The following RLF variants were observed in gnomAD, a reference collection of about 807,000 sequenced individuals.
RLF encodes the protein zinc finger protein Rlf.
Under a neutral mutation model 162.9 loss-of-function variants are expected in RLF, and 7 were observed. That is an observed-to-expected ratio of 0.04 (90% CI 0.02 to 0.08). RLF has a LOEUF of 0.08. RLF is among the 10% of genes least tolerant of loss of function. The probability of loss-of-function intolerance (pLI) is 1.00; values close to 1 mark genes in which losing one functional copy is unlikely to be tolerated. For synonymous variants in RLF, 782 were observed against 791.5 expected (o/e 0.99, Z 0.20); for missense variants, 1,664 against 2,244.7 (o/e 0.74, Z 5.23).
chr1:40,228,981 T>C (rs1168417655), intron 6 of RLF, among the ~76,000 whole-genome samples: 3 of 152,036 alleles, frequency 2.0e-5, no homozygotes, highest in African/African-American at 7.2e-5. Context: ...CTTTTTTTGT[T>C]TGGTTGGTTT....
intron 4 of RLF, among the ~76,000 whole-genome samples, chr1:40,196,268 G>C (rs916565288): frequency 6.6e-6 from 1 of 151,764 alleles, no homozygotes; most frequent in Non-Finnish European, 1.5e-5. Context: ...GAGACGAGGC[G>C]TTACCATGTT....
chr1:40,216,694 C>A (rs140017578), intron 5 of RLF, among the ~76,000 whole-genome samples: 1,965 of 152,180 alleles, frequency 0.013, 42 homozygotes, highest in African/African-American at 0.045. Context: ...GGAACACTTC[C>A]CAACTTATGC....
chr1:40,228,100 CA>C (rs1284522288), intron 6 of RLF, among the ~76,000 whole-genome samples: 1 of 151,864 alleles, frequency 6.6e-6, no homozygotes. Flanking sequence ...GCCTGGCCAA[CA>C]TGGTGAAACC....
chr1:40,163,946 TTGTA>T (rs1178246594), intron 1 of RLF, among the ~76,000 whole-genome samples: 1 of 152,144 alleles, frequency 6.6e-6, no homozygotes, highest in Non-Finnish European at 1.5e-5. Context: ...AAAGTAAAAA[TTGTA>T]TGAAGAAGCA....
rs140609951 is a variant in RLF, at chr1:40,190,796, A to C, written c.417A>C (p.Ser139=). 1.9e-6 allele frequency: 3 copies of C among 1,612,442 alleles called. No individual in the cohort carries two copies. In the Admixed American group the frequency reaches 5.0e-5, roughly 27 times the overall value. The stretch of plus-strand genomic sequence containing the variant: ...GGAGTTGTTTCGAATTACTGCTTTC[A>C]GTGTCTGAAAGTGAACTGCCATGTG... ...LVLSCFELLL[S]VSESELPCEV... is the part of the protein sequence containing the mutation. Residue 139 remains serine (S), a synonymous_variant, in exon 3 of 8, where the codon TCA becomes TCC. Transcript: ENST00000372771.
Position 40,237,078 on chromosome 1 carries a change from A to G in RLF, c.2376A>G (p.Glu792=). 2 of 1,614,186 alleles carry G rather than the reference A, an allele frequency of 1.2e-6. No homozygotes were observed. Among genetic ancestry groups the G allele is most frequent in the African/African-American group, 2.7e-5 (2 of 75,056 alleles). Residue 792 remains glutamate (E), a synonymous_variant, in exon 8 of 8, where the codon GAA becomes GAG. Coordinates refer to ENST00000372771, the MANE Select transcript of RLF (RefSeq NM_012421.4). This position sits in a 1 kb window ranked among gnomAD's most constrained non-coding sequence, Gnocchi z 4.4. The stretch of plus-strand genomic sequence containing the variant: ...ACTTGGGACAGCTTTACCACCATGA[A>G]GCACAACACTTTAGGGATGCATCTT... ...FSDLGQLYHH[E]AQHFRDASYT...
At chr1:40,227,872 G>A (rs893849750) in intron 6 of RLF, among the ~76,000 whole-genome samples, 7 of 152,042 alleles carry the variant, frequency 4.6e-5, no homozygotes, top group Admixed American at 2.0e-4. Flanking sequence ...GGATGGTGGC[G>A]GGCACCTGTA....
intron 1 of RLF, among the ~76,000 whole-genome samples, chr1:40,177,539 C>T (rs914883400): frequency 2.0e-5 from 3 of 151,852 alleles, no homozygotes; most frequent in Non-Finnish European, 2.9e-5. Context: ...GTGATCTGCC[C>T]GCCCCCACCT....
At chr1:40,181,486 A>G (rs1484035502) in intron 1 of RLF, among the ~76,000 whole-genome samples, 1 of 152,194 alleles carries the variant, frequency 6.6e-6, no homozygotes, top group East Asian at 1.9e-4. Context: ...TGGTCTTGGC[A>G]TCCTAGGTGA....
In RLF at chr1:40,236,928, T is replaced by C. The variant is rs776639205; in HGVS notation, c.2226T>C (p.Tyr742=). ...HEQVHCGPQP[Y]MCVSIDCYAR... ...AAGTGCATTGTGGGCCTCAGCCTTA[T>C]ATGTGTGTATCTATAGATTGCTATG... The change falls in exon 8 of 8, where the codon TAT becomes TAC. Residue 742 remains tyrosine, a synonymous_variant. Coordinates refer to ENST00000372771, the MANE Select transcript of RLF (RefSeq NM_012421.4). The surrounding 1 kb of genome is among the most constrained non-coding windows in gnomAD (Gnocchi z 7.7). The C allele has an allele frequency of 3.7e-6, 6 of 1,614,096 alleles. No individual in the cohort carries two copies. The highest frequency in any genetic ancestry group is 4.2e-6 in the Non-Finnish European group (5 of 1,180,030).
At chr1:40,169,568 A>T (rs1642211911) in intron 1 of RLF, among the ~76,000 whole-genome samples, 1 of 128,510 alleles carries the variant, frequency 7.8e-6, no homozygotes, top group African/African-American at 3.0e-5. Flanking sequence ...GTGAGCCGAG[A>T]TTGCGCCACT....
At chr1:40,181,256 C>T (rs1284768361) in intron 1 of RLF, among the ~76,000 whole-genome samples, 2 of 152,068 alleles carry the variant, frequency 1.3e-5, no homozygotes, top group Non-Finnish European at 2.9e-5. Flanking sequence ...ATGGCGAAAC[C>T]CCATCTCTAC....
intron 5 of RLF, among the ~76,000 whole-genome samples, chr1:40,205,738 G>A (rs762959977): frequency 6.6e-6 from 1 of 151,998 alleles, no homozygotes; most frequent in African/African-American, 2.4e-5. Flanking sequence ...TGATCCGCTC[G>A]CCTCTGTTTC....
At chr1:40,169,810 A>G (rs1642218434) in intron 1 of RLF, among the ~76,000 whole-genome samples, 1 of 149,334 alleles carries the variant, frequency 6.7e-6, no homozygotes, top group Non-Finnish European at 1.5e-5. Context: ...CTCCTGCCTC[A>G]GCCTCCCAAG....
chr1:40,221,343 A>G (rs1381813954), intron 5 of RLF, among the ~76,000 whole-genome samples: 1 of 152,146 alleles, frequency 6.6e-6, no homozygotes, highest in African/African-American at 2.4e-5. Context: ...AAGATAATAC[A>G]GTAAAACTTA....
At chr1:40,220,705 A>G (rs1642980819) in intron 5 of RLF, among the ~76,000 whole-genome samples, 1 of 152,180 alleles carries the variant, frequency 6.6e-6, no homozygotes, top group South Asian at 2.1e-4. Flanking sequence ...AGGCACATAC[A>G]TTTTGATATG....
chr1:40,178,131 A>G (rs536959651), intron 1 of RLF, among the ~76,000 whole-genome samples: 1 of 152,106 alleles, frequency 6.6e-6, no homozygotes, highest in Admixed American at 6.6e-5. Flanking sequence ...ATCTATAGCT[A>G]TGTATATGAG....
In RLF at chr1:40,180,598, C is replaced by T. The variant is rs376908554; in HGVS notation, c.238-8457C>T. Among the ~76,000 whole-genome samples the T allele has an allele frequency of 9.2e-5, 14 of 152,114 alleles. 1 individual carries two copies. The highest frequency in any genetic ancestry group is 3.9e-4 in the East Asian group (2 of 5,182). ...ACATGATAGTCAATCCTAATGGGTG[C>T]GAAGTCGTATCTCATTGTGGTTTTC... On this transcript the variant is annotated intron_variant, in intron 1 of 7. Coordinates refer to ENST00000372771, the MANE Select transcript of RLF (RefSeq NM_012421.4).
intron 6 of RLF, among the ~76,000 whole-genome samples, chr1:40,228,810 T>C (rs1643114472): frequency 6.6e-6 from 1 of 152,076 alleles, no homozygotes; most frequent in Non-Finnish European, 1.5e-5. Flanking sequence ...TTATTTTATT[T>C]GAGAGAAGAT....
Sources: gnomAD v4.1 joint callset for allele counts (sites outside exome capture counted in the v4.1 genomes callset) on GRCh38, gnomAD v4.1.1 for gene constraint, Gnocchi (gnomAD v3.1) non-coding constraint, MANE v1.5 for transcripts, NCBI Gene and HGNC (gene_info 2026-07-23, HGNC 2026-07-21) for gene names.